Variants in TBC1D4 observed in about 807,000 individuals in gnomAD.
TBC1D4 encodes TBC (Tre-2, BUB2, CDC16) domain-containing protein.
In TBC1D4, 121 loss-of-function variants were observed where a neutral mutation model predicts 142.5. The observed-to-expected ratio is 0.85, with a 90% CI of 0.73 to 0.99. The LOEUF (loss-of-function observed/expected upper bound fraction) is 0.99, where lower values mean the gene tolerates loss of function less well. TBC1D4 is among the 50% of genes least tolerant of loss of function. The pLI is 0.00. For missense variants in TBC1D4, 1,475 were observed against 1,606.6 expected, an observed-to-expected ratio of 0.92 and a Z score of 1.40; for synonymous variants, 630 against 628.2, an observed-to-expected ratio of 1.00 and a Z score of -0.04.
chr13:75,284,371 G>A lies in TBC1D4; in HGVS notation c.*2421C>T, dbSNP rs563304151. The stretch of plus-strand genomic sequence containing the variant: ...CCTGACTGTTTTCCTGCAACTAGAC[G>A]ATCCCATCTGGGGATGATGGGAGAC... On this transcript the variant is annotated 3_prime_UTR_variant, in exon 21 of 21. Coordinates refer to ENST00000377636, the MANE Select transcript of TBC1D4 (RefSeq NM_014832.5). Among the ~76,000 whole-genome samples, 2 of 152,234 alleles carry A rather than the reference G, an allele frequency of 1.3e-5. No homozygotes were observed. The highest frequency in any genetic ancestry group is 1.9e-4 in the East Asian group (1 of 5,186).
chr13:75,431,562 G>A (rs550445472), intron 1 of TBC1D4, among the ~76,000 whole-genome samples: 4 of 152,152 alleles, frequency 2.6e-5, no homozygotes, highest in Non-Finnish European at 5.9e-5. Context: ...TTTTGGTTTG[G>A]TCTGTTGGGA....
chr13:75,298,661 C>T (rs965646568), intron 17 of TBC1D4, among the ~76,000 whole-genome samples: 1 of 151,990 alleles, frequency 6.6e-6, no homozygotes, highest in Non-Finnish European at 1.5e-5. Flanking sequence ...GCTGAGGCAG[C>T]AGAATGGCTT....
rs898457126 is a variant in TBC1D4, at chr13:75,286,563, A to G, written c.*229T>C. ...AGCATGAACTATGTTCATTTTATAT[A>G]TATATTTATATGTACATAGCAACAA... On this transcript the variant is annotated 3_prime_UTR_variant, in exon 21 of 21. Transcript: ENST00000377636. The G allele has an allele frequency of 1.1e-5, 5 of 443,144 alleles. No individual in the cohort carries two copies. The Admixed American group carries it at 1.9e-4, about 17-fold the overall frequency. 27.5% of individuals were successfully genotyped at this position (443,144 alleles called of 1,614,324 possible). A position where few individuals can be genotyped will look rare whatever the true frequency, so the allele number is the denominator to read the frequency against.
intron 4 of TBC1D4, among the ~76,000 whole-genome samples, chr13:75,351,479 T>C (rs1211601018): frequency 6.6e-6 from 1 of 152,098 alleles, no homozygotes; most frequent in East Asian, 1.9e-4. Context: ...GCAGGTTAGT[T>C]ACATATGTAT....
At chr13:75,324,472 G>T in intron 10 of TBC1D4, 71 bp from the exon 11 acceptor site, 1 of 1,549,876 alleles carries the variant, frequency 6.5e-7, no homozygotes, top group South Asian at 1.2e-5. Context: ...CTATGAAAAA[G>T]CATATAAACA....
At chr13:75,444,943 G>A (rs1887212114) in intron 1 of TBC1D4, among the ~76,000 whole-genome samples, 1 of 151,814 alleles carries the variant, frequency 6.6e-6, no homozygotes, top group African/African-American at 2.4e-5. Flanking sequence ...GGCATTTTAT[G>A]TACATTACAT....
rs115614043 is a variant in TBC1D4, at chr13:75,305,602, T to C, written c.2752+711A>G. ...ACTGTGGCTCAACAGTCTCACACAT[T>C]AGCATAGGCTTTTAAAACAACAATC... On this transcript the variant is annotated intron_variant, in intron 15 of 20. Transcript: ENST00000377636. 7.4e-3 allele frequency among the ~76,000 whole-genome samples: 1,131 copies of C among 152,346 alleles called. 11 individuals are homozygous for C. The highest frequency in any genetic ancestry group is 0.025 in the African/African-American group (1,053 of 41,580).
At chr13:75,354,366 G>C (rs1449873437) in intron 4 of TBC1D4, among the ~76,000 whole-genome samples, 1 of 152,158 alleles carries the variant, frequency 6.6e-6, no homozygotes, top group South Asian at 2.1e-4. Context: ...CGACTAGTTA[G>C]GACATTAACA....
intron 1 of TBC1D4, among the ~76,000 whole-genome samples, chr13:75,368,404 C>T (rs9565154): frequency 0.26 from 39,557 of 152,052 alleles, 5,623 homozygotes; most frequent in African/African-American, 0.38. Flanking sequence ...GTTTTTGATC[C>T]TCGGGCTATG....
Position 75,362,606 on chromosome 13 carries a change from A to T in TBC1D4, c.500T>A (p.Val167Asp). The change falls in exon 2 of 21, where the codon GTT (valine) becomes GAT (aspartate). Residue 167 changes from valine to aspartate, a missense_variant and splice_region_variant. Around this residue, in one of 2 missense-constraint regions of TBC1D4, gnomAD observed 1,227 missense variants for 1,267.7 expected, o/e 0.97. Transcript: ENST00000377636. The surrounding 1 kb of genome is among the most constrained non-coding windows in gnomAD (Gnocchi z 4.2). ...HVFRATDPSQ[V>D]PDVISSIRQL... ...CCTTATGCTGCTAATAACATCAGGA[A>T]CCTGGGGGAAAAAATTAAAACCCTG... The T allele has an allele frequency of 6.2e-7, 1 of 1,613,812 alleles. No individual in the cohort carries two copies. The highest frequency in any genetic ancestry group is 8.5e-7 in the Non-Finnish European group (1 of 1,179,882).
chr13:75,390,422 C>A (rs1216732091), intron 1 of TBC1D4, among the ~76,000 whole-genome samples: 1 of 151,976 alleles, frequency 6.6e-6, no homozygotes, highest in Non-Finnish European at 1.5e-5. Flanking sequence ...TGTGGAATCA[C>A]CTAAAAATAG....
intron 1 of TBC1D4, among the ~76,000 whole-genome samples, chr13:75,449,889 G>A (rs998148257): frequency 1.3e-5 from 2 of 152,054 alleles, no homozygotes; most frequent in African/African-American, 4.8e-5. Flanking sequence ...CCAGCCAAAT[G>A]TACATAGTTT....
rs35852438 is a variant in TBC1D4 at position 75,415,125 on chromosome 13, CA to C, written c.499-52519del. 2.2e-3 allele frequency among the ~76,000 whole-genome samples: 286 copies of C among 128,802 alleles called. 2 individuals carry two copies. Among genetic ancestry groups the C allele is most frequent in the African/African-American group, 7.5e-3 (253 of 33,934 alleles). 84.5% of individuals were successfully genotyped at this position (128,802 alleles called of 152,430 possible). A position where few individuals can be genotyped will look rare whatever the true frequency, so the allele number is the denominator to read the frequency against. ...GGTGACAGAGCAAGACTCCATCTCA[CA>C]AAAAAAAAAAAAAAAGTAAAGTATG... is the stretch of plus-strand genomic sequence containing the variant. On this transcript the variant is annotated intron_variant, in intron 1 of 20. Transcript: ENST00000377636.
intron 1 of TBC1D4, among the ~76,000 whole-genome samples, chr13:75,402,448 T>C (rs1167347407): frequency 3.9e-5 from 6 of 152,078 alleles, no homozygotes; most frequent in Non-Finnish European, 8.8e-5. Flanking sequence ...CTAACCAAGG[T>C]TTATAATAAT....
At chr13:75,474,703 C>G (rs1001155525) in intron 1 of TBC1D4, among the ~76,000 whole-genome samples, 1 of 149,814 alleles carries the variant, frequency 6.7e-6, no homozygotes, top group Admixed American at 6.7e-5. Flanking sequence ...GTGGTACGAT[C>G]CAGGCTCACT....
At chr13:75,309,005 A>G (rs12876617) in intron 14 of TBC1D4, among the ~76,000 whole-genome samples, 69,177 of 151,968 alleles carry the variant, frequency 0.46, 16,199 homozygotes, top group South Asian at 0.65. Context: ...TGGAATACCT[A>G]TACTAAAAAA....
intron 3 of TBC1D4, among the ~76,000 whole-genome samples, chr13:75,358,908 T>C (rs1882283116): frequency 1.3e-5 from 2 of 152,142 alleles, no homozygotes; most frequent in Non-Finnish European, 2.9e-5. Context: ...AACTGTCTTG[T>C]TAACTTCAAA....
intron 1 of TBC1D4, among the ~76,000 whole-genome samples, chr13:75,390,874 AGGGGAGGG>A (rs2138300828): frequency 4.4e-5 from 1 of 22,482 alleles, no homozygotes; most frequent in African/African-American, 1.8e-4. Context: ...AGGGGAGGGG[AGGGGAGGG>A]GAGGGAAGGT....
chr13:75,464,237 A>G (rs1037345920), intron 1 of TBC1D4, among the ~76,000 whole-genome samples: 1 of 151,784 alleles, frequency 6.6e-6, no homozygotes, highest in Non-Finnish European at 1.5e-5. Context: ...GCCATAAACA[A>G]AATCTCTGCA....
Sources: gnomAD v4.1 joint callset for allele counts (sites outside exome capture counted in the v4.1 genomes callset) on GRCh38, gnomAD v4.1.1 for gene constraint, gnomAD v4.1.1 regional missense constraint, Gnocchi (gnomAD v3.1) non-coding constraint, MANE v1.5 for transcripts, NCBI Gene and HGNC (gene_info 2026-07-23, HGNC 2026-07-21) for gene names.